AGBL4: variants seen among roughly 807,000 people sequenced by gnomAD.
AGBL4 encodes AGBL carboxypeptidase 4.
A neutral mutation model predicts 66.4 loss-of-function variants in AGBL4; 58 were observed. The observed-to-expected ratio is 0.87, with a 90% CI of 0.71 to 1.09. The LOEUF is 1.09. Ranked by LOEUF, AGBL4 falls within the 50% of genes least tolerant of loss-of-function variation. The pLI is 0.00. For synonymous variants in AGBL4, 234 were observed against 222.9 expected, an observed-to-expected ratio of 1.05 and a Z score of -0.44; for missense variants, 579 against 631.0, an observed-to-expected ratio of 0.92 and a Z score of 0.88.
intron 3 of AGBL4, among the ~76,000 whole-genome samples, chr1:49,298,837 G>T (rs908655724): frequency 2.6e-5 from 4 of 152,134 alleles, no homozygotes; most frequent in African/African-American, 9.7e-5. Context: ...TTCCTCCAAG[G>T]TTCTAAACCT....
intron 6 of AGBL4, among the ~76,000 whole-genome samples, chr1:48,791,075 A>G (rs1167657007): frequency 1.3e-5 from 2 of 152,138 alleles, no homozygotes; most frequent in African/African-American, 4.8e-5. Flanking sequence ...TTGTCTATAA[A>G]TTACCTAGTC....
At chr1:49,672,436 C>A (rs902603865) in intron 3 of AGBL4, among the ~76,000 whole-genome samples, 9 of 151,716 alleles carry the variant, frequency 5.9e-5, no homozygotes, top group Non-Finnish European at 1.0e-4. Flanking sequence ...ATGACAAACC[C>A]ATGTGACATG....
chr1:49,978,843 T>C lies in AGBL4; in HGVS notation c.34+44920A>G, dbSNP rs868594166. ...GATTTTATTTTATTCATATTTTCTG[T>C]ATTATCTGAATTTTTAATAAAACAC... is the stretch of plus-strand genomic sequence containing the variant. On this transcript the variant is annotated intron_variant, in intron 1 of 13. Coordinates refer to ENST00000371839, the MANE Select transcript of AGBL4 (RefSeq NM_032785.4). Among the ~76,000 whole-genome samples the C allele has an allele frequency of 4.6e-5, 7 of 152,222 alleles. No homozygotes were observed. The South Asian group carries it at 1.0e-3, about 23-fold the overall frequency.
At chr1:48,565,092 C>T (rs1324288036) in intron 11 of AGBL4, among the ~76,000 whole-genome samples, 3 of 152,230 alleles carry the variant, frequency 2.0e-5, no homozygotes, top group Non-Finnish European at 2.9e-5. Context: ...TCCCATCATA[C>T]ACCTGGCCCA....
chr1:49,830,684 T>C (rs1478138531), intron 2 of AGBL4, among the ~76,000 whole-genome samples: 3 of 152,220 alleles, frequency 2.0e-5, no homozygotes, highest in Non-Finnish European at 4.4e-5. Context: ...TCTTTGCCCA[T>C]GCCTATGTCC....
intron 2 of AGBL4, among the ~76,000 whole-genome samples, chr1:49,739,705 C>T (rs1210037806): frequency 3.9e-5 from 6 of 152,118 alleles, no homozygotes; most frequent in South Asian, 4.1e-4. Context: ...GCGGATCTCT[C>T]GGCAGAAACT....
chr1:49,349,917 C>A (rs990581683), intron 3 of AGBL4, among the ~76,000 whole-genome samples: 4 of 152,168 alleles, frequency 2.6e-5, no homozygotes, highest in African/African-American at 4.8e-5. Flanking sequence ...TGGGAGAAGA[C>A]AGCTATCTAC....
intron 4 of AGBL4, among the ~76,000 whole-genome samples, chr1:49,136,758 A>C (rs1646019171): frequency 6.6e-6 from 1 of 152,146 alleles, no homozygotes; most frequent in South Asian, 2.1e-4. Flanking sequence ...ATAAATACAG[A>C]AGCTTTGCTG....
intron 3 of AGBL4, among the ~76,000 whole-genome samples, chr1:49,560,939 C>A (rs921002057): frequency 5.9e-5 from 9 of 152,014 alleles, no homozygotes; most frequent in African/African-American, 2.2e-4. Flanking sequence ...AACACCAGAC[C>A]CGTCCTAAAG....
Position 49,680,113 on chromosome 1 carries a change from C to T in AGBL4, c.282+17200G>A, listed in dbSNP as rs368317652. Among the ~76,000 whole-genome samples the T allele has an allele frequency of 1.7e-4, 23 of 132,162 alleles. No homozygotes were observed. The South Asian group carries it at 2.4e-3, about 14-fold the overall frequency. The allele number at this position is 132,162 out of a possible 152,430, so 86.7% of individuals were successfully genotyped here. On this transcript the variant is annotated intron_variant, in intron 3 of 13. Transcript: ENST00000371839. The stretch of plus-strand genomic sequence containing the variant: ...GTCACCAGGCTGGAGTGCAGTGGTG[C>T]GCTCTTGGCTCACTGTAACCTCTGC...
chr1:48,936,615 C>T (rs146245891), intron 5 of AGBL4, among the ~76,000 whole-genome samples: 2 of 152,284 alleles, frequency 1.3e-5, no homozygotes, highest in African/African-American at 4.8e-5. Flanking sequence ...TGAGTACTTG[C>T]TGGCATTGAA....
intron 4 of AGBL4, among the ~76,000 whole-genome samples, chr1:49,151,814 T>C (rs1257710852): frequency 6.6e-6 from 1 of 152,216 alleles, no homozygotes. Context: ...AATCCAGTAC[T>C]TCTCAAACGT....
At chr1:48,540,307 G>A in intron 11 of AGBL4, among the ~76,000 whole-genome samples, 1 of 152,184 alleles carries the variant, frequency 6.6e-6, no homozygotes, top group East Asian at 1.9e-4. Flanking sequence ...ATTTGTGGCT[G>A]TAAAAGCACA....
At chr1:48,924,016 C>T (rs935737383) in intron 5 of AGBL4, among the ~76,000 whole-genome samples, 6 of 152,068 alleles carry the variant, frequency 3.9e-5, no homozygotes, top group Admixed American at 3.9e-4. Context: ...CACTGCCAGC[C>T]CATCTCTGTC....
At chr1:49,677,039 T>A (rs1428558168) in intron 3 of AGBL4, among the ~76,000 whole-genome samples, 1 of 152,090 alleles carries the variant, frequency 6.6e-6, no homozygotes, top group Non-Finnish European at 1.5e-5. Context: ...AAAGAATATC[T>A]ATTATTTATC....
chr1:49,525,961 G>A (rs1208054130), intron 3 of AGBL4, among the ~76,000 whole-genome samples: 4 of 151,730 alleles, frequency 2.6e-5, no homozygotes, highest in Non-Finnish European at 4.4e-5. Context: ...GCATGGTGGC[G>A]GGTGCCTGTA....
chr1:49,644,289 G>T (rs1645841013), intron 3 of AGBL4, among the ~76,000 whole-genome samples: 1 of 151,490 alleles, frequency 6.6e-6, no homozygotes, highest in Admixed American at 6.6e-5. Context: ...AGGCAACATT[G>T]AACACAGAAT....
At chr1:48,919,474 G>A (rs1194741491) in intron 5 of AGBL4, among the ~76,000 whole-genome samples, 2 of 152,114 alleles carry the variant, frequency 1.3e-5, no homozygotes, top group African/African-American at 4.8e-5. Context: ...TATTAACTGA[G>A]ATTCTACTAT....
At chr1:49,163,931 G>T (rs1646585847) in intron 4 of AGBL4, among the ~76,000 whole-genome samples, 1 of 152,108 alleles carries the variant, frequency 6.6e-6, no homozygotes. Context: ...CAGGGGTATG[G>T]TTTATGCATG....
Sources: gnomAD v4.1 joint callset for allele counts (sites outside exome capture counted in the v4.1 genomes callset) on GRCh38, gnomAD v4.1.1 for gene constraint, MANE v1.5 for transcripts, NCBI Gene and HGNC (gene_info 2026-07-23, HGNC 2026-07-21) for gene names.